Variants in TMEM255B observed in about 807,000 individuals in gnomAD.
TMEM255B encodes transmembrane protein 255B, also known as family with sequence similarity 70, member B.
Under a neutral mutation model 34.5 loss-of-function variants are expected in TMEM255B, and 35 were observed. The observed-to-expected ratio is 1.01, with a 90% CI of 0.77 to 1.34. TMEM255B has a LOEUF of 1.34. Among genes scored for constraint, TMEM255B ranks in the 40% most tolerant of loss-of-function variants. The probability of loss-of-function intolerance (pLI) is 0.00; values close to 1 mark genes in which losing one functional copy is unlikely to be tolerated. For synonymous variants in TMEM255B, 206 were observed against 201.2 expected (o/e 1.02, Z -0.20); for missense variants, 432 against 433.2 (o/e 1.00, Z 0.02).
At chr13:113,777,666 C>T (rs1243073360) in intron 3 of TMEM255B, among the ~76,000 whole-genome samples, 1 of 152,242 alleles carries the variant, frequency 6.6e-6, no homozygotes, top group Non-Finnish European at 1.5e-5. Flanking sequence ...GGAGGATGGT[C>T]TTGGGAAGGG....
rs1175175829 is a variant in TMEM255B, at chr13:113,811,954, G to A, written c.*51G>A. On this transcript the variant is annotated 3_prime_UTR_variant, in exon 9 of 9. Transcript: ENST00000375353. Reference sequence around the variant, plus strand: ...TGTTTGTTTTTTTTTTTAAAAAAAAGGCAGCCTCTAGAAATCCCGCTTCTG... The same window carrying A: ...TGTTTGTTTTTTTTTTTAAAAAAAAAGCAGCCTCTAGAAATCCCGCTTCTG... 4.1e-6 allele frequency: 6 copies of A among 1,477,712 alleles called. No homozygotes were observed. The highest frequency in any genetic ancestry group is 2.0e-4 in the Middle Eastern group (1 of 5,064). The allele number at this position is 1,477,712 out of a possible 1,614,324, so 91.5% of individuals were successfully genotyped here.
In TMEM255B at chr13:113,784,684, G is replaced by C. The variant is rs189733734; in HGVS notation, c.253-10464G>C. 2.0e-3 allele frequency among the ~76,000 whole-genome samples: 304 copies of C among 152,346 alleles called. 1 individual carries two copies. The highest frequency in any genetic ancestry group is 7.0e-3 in the African/African-American group (291 of 41,572). On this transcript the variant is annotated intron_variant, in intron 3 of 8. Transcript: ENST00000375353. ...GAGAGCCCACTGGGGAGTAGCCCCGGCCCAAGCCTCACAGTTCCCTTCGGG... is the reference window on the plus strand; with the variant it reads ...GAGAGCCCACTGGGGAGTAGCCCCGCCCCAAGCCTCACAGTTCCCTTCGGG...
At chr13:113,768,930 C>T (rs896092338) in intron 2 of TMEM255B, 168 bp from the exon 3 acceptor site, 3 of 727,256 alleles carry the variant, frequency 4.1e-6, no homozygotes, top group Non-Finnish European at 7.5e-6. Context: ...TGCCCAACGC[C>T]AGCAGACGCA....
At chr13:113,794,427 A>G (rs891290052) in intron 3 of TMEM255B, among the ~76,000 whole-genome samples, 5 of 152,040 alleles carry the variant, frequency 3.3e-5, no homozygotes, top group African/African-American at 9.6e-5. Flanking sequence ...CGAGCCGACA[A>G]CTCATCCATC....
Position 113,772,625 on chromosome 13 carries a change from G to A in TMEM255B, c.252+3465G>A, listed in dbSNP as rs555849642. Among the ~76,000 whole-genome samples, 80 of 152,272 alleles carry A rather than the reference G, an allele frequency of 5.3e-4. 1 individual carries two copies. In the South Asian group the frequency reaches 0.014, roughly 27 times the overall value. The stretch of plus-strand genomic sequence containing the variant: ...TAGGGACCCATGTTCATGCATTTAC[G>A]GACATCCAGTTGTCCAAGCACCATT... On this transcript the variant is annotated intron_variant, in intron 3 of 8. Transcript: ENST00000375353.
At chr13:113,766,730 G>T (rs1423589386) in intron 2 of TMEM255B, among the ~76,000 whole-genome samples, 1 of 152,218 alleles carries the variant, frequency 6.6e-6, no homozygotes, top group African/African-American at 2.4e-5. Flanking sequence ...AACTTTAAAC[G>T]ATTCCTACCA....
At chr13:113,765,792 G>A (rs963212840) in intron 1 of TMEM255B, among the ~76,000 whole-genome samples, 1 of 152,194 alleles carries the variant, frequency 6.6e-6, no homozygotes, top group Non-Finnish European at 1.5e-5. Context: ...TCCTCCTGGG[G>A]ACACCAGGGG....
intron 3 of TMEM255B, among the ~76,000 whole-genome samples, chr13:113,776,288 G>A (rs1329729771): frequency 1.3e-5 from 2 of 152,206 alleles, no homozygotes; most frequent in East Asian, 1.9e-4. Flanking sequence ...CATCTGCCAC[G>A]GAAACTAGGT....
chr13:113,794,717 TGGCTCCA>T, intron 3 of TMEM255B, among the ~76,000 whole-genome samples: 1 of 152,220 alleles, frequency 6.6e-6, no homozygotes, highest in Non-Finnish European at 1.5e-5. Flanking sequence ...AAACCATTCC[TGGCTCCA>T]AGCTCCAAGA....
chr13:113,789,090 C>T (rs1216192619), intron 3 of TMEM255B, among the ~76,000 whole-genome samples: 2 of 151,992 alleles, frequency 1.3e-5, no homozygotes, highest in Admixed American at 6.6e-5. Flanking sequence ...TAGCTGCACC[C>T]GGGCCACTCT....
chr13:113,771,053 C>A (rs2050470024), intron 3 of TMEM255B, among the ~76,000 whole-genome samples: 1 of 152,106 alleles, frequency 6.6e-6, no homozygotes, highest in African/African-American at 2.4e-5. Flanking sequence ...GCACACAATT[C>A]AATGGTTTTT....
chr13:113,809,091 T>C (rs1390613768), intron 8 of TMEM255B, among the ~76,000 whole-genome samples: 1 of 120,660 alleles, frequency 8.3e-6, no homozygotes, highest in African/African-American at 3.2e-5. Flanking sequence ...TTCCTGGGGG[T>C]TTACTCCATG....
At chr13:113,759,368 C>A in intron 1 of TMEM255B, 53 bp downstream of exon 1, 1 of 1,226,734 alleles carries the variant, frequency 8.2e-7, no homozygotes, top group Non-Finnish European at 1.0e-6. Context: ...GCGTGGGGAC[C>A]CCGGGGCTGG....
In TMEM255B at chr13:113,769,210, T is replaced by C; in HGVS notation, c.252+50T>C. ...GGAGCATGAGTCCCTCATCAGGGGA[T>C]GGTACAGCTGCACTGGGGCTCTGAG... On this transcript the variant is annotated intron_variant, in intron 3 of 8. Coordinates refer to ENST00000375353, the MANE Select transcript of TMEM255B (RefSeq NM_182614.4). The surrounding 1 kb of genome is among the most constrained non-coding windows in gnomAD (Gnocchi z 4.2). 1.9e-6 allele frequency: 3 copies of C among 1,594,148 alleles called. No individual in the cohort carries two copies. The highest frequency in any genetic ancestry group is 1.7e-6 in the Non-Finnish European group (2 of 1,162,116).
At chr13:113,811,609 C>T (rs1282708524) in intron 8 of TMEM255B, 127 bp from the exon 9 acceptor site, 12 of 973,664 alleles carry the variant, frequency 1.2e-5, no homozygotes, top group East Asian at 5.9e-5. Context: ...CCTGAGTCTG[C>T]GGGTGGCCCT....
chr13:113,806,866 G>A lies in TMEM255B; in HGVS notation c.813+1838G>A, dbSNP rs954443220. Among the ~76,000 whole-genome samples the A allele has an allele frequency of 2.0e-5, 3 of 152,238 alleles. No individual in the cohort carries two copies. Among genetic ancestry groups the A allele is most frequent in the East Asian group, 3.9e-4 (2 of 5,178 alleles). On this transcript the variant is annotated intron_variant, in intron 8 of 8. Coordinates refer to ENST00000375353, the MANE Select transcript of TMEM255B (RefSeq NM_182614.4). The surrounding 1 kb of genome is among the most constrained non-coding windows in gnomAD (Gnocchi z 4.2). ...CAGGGGCAGAGGTATCTCCAGGGAC[G>A]CTGGGCCTGCAGGTGCTCCCCAAGC... is the stretch of plus-strand genomic sequence containing the variant.
Position 113,804,874 on chromosome 13 carries a change from C to T in TMEM255B, c.670-11C>T, listed in dbSNP as rs2051138845. 4 of 1,595,888 alleles carry T rather than the reference C, an allele frequency of 2.5e-6. No individual in the cohort carries two copies. Among genetic ancestry groups the T allele is most frequent in the East Asian group, 4.5e-5 (2 of 44,688 alleles). ...GGTACACGCCGACCACCCGTCTCCT[C>T]TCCATGGCAGGTGCCTCTGTCCCAG... On this transcript the variant is annotated splice_polypyrimidine_tract_variant and intron_variant, in intron 7 of 8. Transcript: ENST00000375353.
In TMEM255B at chr13:113,812,419, G is replaced by A. The variant is rs1462762806; in HGVS notation, c.*516G>A. On this transcript the variant is annotated 3_prime_UTR_variant, in exon 9 of 9. Coordinates refer to ENST00000375353, the MANE Select transcript of TMEM255B (RefSeq NM_182614.4). ...CTTCGGCTCCAACGCCCAGCGCTGT[G>A]TCTAACCGCCTGTGAGTTGTTAGAA... is the stretch of plus-strand genomic sequence containing the variant. 2 of 155,210 alleles carry A rather than the reference G, an allele frequency of 1.3e-5. No homozygotes were observed. Among genetic ancestry groups the A allele is most frequent in the African/African-American group, 4.8e-5 (2 of 41,490 alleles). 9.6% of individuals were successfully genotyped at this position (155,210 alleles called of 1,614,324 possible).
intron 3 of TMEM255B, among the ~76,000 whole-genome samples, chr13:113,783,896 T>C (rs7400711): frequency 0.41 from 62,652 of 151,776 alleles, 14,255 homozygotes; most frequent in East Asian, 0.72. Context: ...GAGGGTTTTC[T>C]TTAAGAAGAA....
Sources: gnomAD v4.1 joint callset for allele counts (sites outside exome capture counted in the v4.1 genomes callset) on GRCh38, gnomAD v4.1.1 for gene constraint, Gnocchi (gnomAD v3.1) non-coding constraint, MANE v1.5 for transcripts, NCBI Gene and HGNC (gene_info 2026-07-23, HGNC 2026-07-21) for gene names.